ARHGAP31: variants seen among roughly 807,000 people sequenced by gnomAD.
ARHGAP31 encodes the protein rho GTPase-activating protein 31.
A neutral mutation model predicts 113.9 loss-of-function variants in ARHGAP31; 34 were observed. The ratio of observed to expected loss-of-function variants is 0.30; its 90% CI spans 0.23 to 0.40. The LOEUF (loss-of-function observed/expected upper bound fraction) is 0.40, where lower values mean the gene tolerates loss of function less well. ARHGAP31 is among the 10% of genes least tolerant of loss of function. ARHGAP31 has a pLI of 1.00. For missense variants in ARHGAP31, 1,548 were observed against 1,767.1 expected (o/e 0.88, Z 2.22); for synonymous variants, 650 against 684.8 (o/e 0.95, Z 0.79).
At chr3:119,311,149 AG>A (rs1478483268) in intron 1 of ARHGAP31, among the ~76,000 whole-genome samples, 8 of 152,198 alleles carry the variant, frequency 5.3e-5, no homozygotes, top group African/African-American at 1.9e-4. Context: ...GCCCTAGAGT[AG>A]ACCTCTGTTA....
intron 1 of ARHGAP31, among the ~76,000 whole-genome samples, chr3:119,338,610 A>G (rs1194572522): frequency 6.6e-6 from 1 of 152,202 alleles, no homozygotes; most frequent in Admixed American, 6.5e-5. Flanking sequence ...CTGAATTTTA[A>G]TATCTTTAAA....
chr3:119,385,497 T>C (rs1258716676), intron 6 of ARHGAP31, among the ~76,000 whole-genome samples: 4 of 152,150 alleles, frequency 2.6e-5, no homozygotes, highest in African/African-American at 9.7e-5. Context: ...TTATTTCAAC[T>C]CTCCAGTTAT....
At chr3:119,353,407 C>G (rs56990214) in intron 1 of ARHGAP31, among the ~76,000 whole-genome samples, 1 of 152,102 alleles carries the variant, frequency 6.6e-6, no homozygotes, top group Non-Finnish European at 1.5e-5. Flanking sequence ...GGCCAAGTGA[C>G]GTAATACCTC....
chr3:119,372,782 C>G (rs1398944357), intron 3 of ARHGAP31, among the ~76,000 whole-genome samples: 1 of 152,130 alleles, frequency 6.6e-6, no homozygotes, highest in Non-Finnish European at 1.5e-5. Context: ...TTTATTGTCT[C>G]TGTTATACAG....
chr3:119,377,739 T>C (rs1003188424), intron 3 of ARHGAP31, among the ~76,000 whole-genome samples: 10 of 150,944 alleles, frequency 6.6e-5, no homozygotes, highest in Non-Finnish European at 1.2e-4. Flanking sequence ...TGTACATTCC[T>C]TTGGATGCTT....
chr3:119,377,198 G>A (rs1231868717), intron 3 of ARHGAP31, among the ~76,000 whole-genome samples: 2 of 152,280 alleles, frequency 1.3e-5, no homozygotes, highest in Non-Finnish European at 2.9e-5. Flanking sequence ...AGATTTAATG[G>A]TGAATGGAAC....
intron 1 of ARHGAP31, among the ~76,000 whole-genome samples, chr3:119,331,345 T>C (rs1394436878): frequency 6.6e-6 from 1 of 152,214 alleles, no homozygotes; most frequent in Non-Finnish European, 1.5e-5. Context: ...TTCTTCTGTG[T>C]GTATGTAGAG....
At chr3:119,390,349 G>C (rs2080492567) in intron 6 of ARHGAP31, among the ~76,000 whole-genome samples, 1 of 152,212 alleles carries the variant, frequency 6.6e-6, no homozygotes, top group Middle Eastern at 3.2e-3. Context: ...CTGTGGGGAG[G>C]AGAGGCAGCC....
rs1274872597 is a variant in ARHGAP31, at chr3:119,402,154, A to G, written c.1402A>G (p.Ser468Gly). 35 of 1,614,142 alleles carry G rather than the reference A, an allele frequency of 2.2e-5. No individual in the cohort carries two copies. The highest frequency in any genetic ancestry group is 2.9e-5 in the Non-Finnish European group (34 of 1,180,046). The change falls in exon 10 of 12, where the codon AGC becomes GGC. Residue 468 changes from serine to glycine, a missense_variant. Coordinates refer to ENST00000264245, the MANE Select transcript of ARHGAP31 (RefSeq NM_020754.4). ...CAGCCCTAGCAAATCCGTCTTCACCAGCAGCCTCTTCCAGATGGAGCCCTC... is the reference window on the plus strand; with the variant it reads ...CAGCCCTAGCAAATCCGTCTTCACCGGCAGCCTCTTCCAGATGGAGCCCTC... ...NDSPSKSVFTSSLFQMEPSPR... is the reference protein window; with the variant it reads ...NDSPSKSVFTGSLFQMEPSPR...
At position 119,418,038 on chromosome 3, in the gene ARHGAP31, C is replaced by G. The variant is rs1464059850; in HGVS notation, c.*1774C>G. On this transcript the variant is annotated 3_prime_UTR_variant, in exon 12 of 12. Coordinates refer to ENST00000264245, the MANE Select transcript of ARHGAP31 (RefSeq NM_020754.4). ...TATATATTCCTCTCTCTCTCTGTCT[C>G]TCTATCTCTCTCCTCCCTCTCCCTC... The G allele has an allele frequency of 2.0e-5, 3 of 152,118 alleles. No homozygotes were observed. The highest frequency in any genetic ancestry group is 4.4e-5 in the Non-Finnish European group (3 of 68,056). The allele number at this position is 152,118 out of a possible 1,614,324, so 9.4% of individuals were successfully genotyped here. A position where few individuals can be genotyped will look rare whatever the true frequency, so the allele number is the denominator to read the frequency against.
At chr3:119,391,443 T>G (rs1488390101) in intron 7 of ARHGAP31, among the ~76,000 whole-genome samples, 1 of 152,076 alleles carries the variant, frequency 6.6e-6, no homozygotes, top group Non-Finnish European at 1.5e-5. Context: ...TGAGCAGCAG[T>G]TGGGGACATG....
At chr3:119,359,079 T>G (rs2080182950) in intron 1 of ARHGAP31, among the ~76,000 whole-genome samples, 1 of 151,962 alleles carries the variant, frequency 6.6e-6, no homozygotes, top group Admixed American at 6.6e-5. Flanking sequence ...GTGCAATGGT[T>G]TGATCTCAGC....
intron 1 of ARHGAP31, among the ~76,000 whole-genome samples, chr3:119,321,442 ACTTGTATGTAATTCTATCAC>A (rs1426397558): frequency 1.3e-5 from 2 of 149,704 alleles, no homozygotes; most frequent in Non-Finnish European, 3.0e-5. Context: ...AGAAAAAAAT[ACTTGTATGTAATTCTATCAC>A]CCAAAGATGT....
Position 119,402,362 on chromosome 3 carries a change from A to G in ARHGAP31, c.1610A>G (p.Glu537Gly). 6.2e-7 allele frequency: 1 copy of G among 1,613,550 alleles called. No homozygotes were observed. Among genetic ancestry groups the G allele is most frequent in the African/African-American group, 1.3e-5 (1 of 75,044 alleles). The change falls in exon 10 of 12, where the codon GAA becomes GGA. Residue 537 changes from glutamate to glycine, a missense_variant. Glu to Gly is a moderately conservative substitution (Grantham distance 98). Coordinates refer to ENST00000264245, the MANE Select transcript of ARHGAP31 (RefSeq NM_020754.4). ...GGATCAGAGAGCGGAGGCTGGCCAG[A>G]AGAAGAGAAACCGCTGGGAGCTGAG... ...FHGSESGGWP[E>G]EEKPLGAETS...
chr3:119,385,460 T>C (rs2080441406), intron 6 of ARHGAP31, among the ~76,000 whole-genome samples: 1 of 152,226 alleles, frequency 6.6e-6, no homozygotes, highest in Non-Finnish European at 1.5e-5. Context: ...CTTTATTATA[T>C]ATGTAGGAGT....
intron 1 of ARHGAP31, among the ~76,000 whole-genome samples, chr3:119,348,395 G>A (rs2080080941): frequency 6.6e-6 from 1 of 152,136 alleles, no homozygotes; most frequent in African/African-American, 2.4e-5. Context: ...AAAAAGGTCT[G>A]GGACCACTGC....
chr3:119,368,996 G>T (rs79411340), intron 3 of ARHGAP31, among the ~76,000 whole-genome samples: 1 of 152,130 alleles, frequency 6.6e-6, no homozygotes, highest in African/African-American at 2.4e-5. Flanking sequence ...GTGTCAGAAA[G>T]CTGGGAAGAG....
At chr3:119,300,842 A>AAAAG (rs543721008) in intron 1 of ARHGAP31, among the ~76,000 whole-genome samples, 13,897 of 138,800 alleles carry the variant, frequency 0.1, 1,003 homozygotes, top group Non-Finnish European at 0.14. Flanking sequence ...AAAAAAAAAA[A>AAAAG]AAAGAAAGAA....
chr3:119,324,558 C>CTTTT (rs2079824760), intron 1 of ARHGAP31, among the ~76,000 whole-genome samples: 1 of 152,216 alleles, frequency 6.6e-6, no homozygotes, highest in South Asian at 2.1e-4. Flanking sequence ...GGTACCATTG[C>CTTTT]TGTATTCCAC....
Sources: allele counts gnomAD v4.1 joint callset (sites outside exome capture counted in the v4.1 genomes callset), GRCh38; gene constraint gnomAD v4.1.1; transcripts MANE v1.5; gene names NCBI Gene and HGNC (gene_info 2026-07-23, HGNC 2026-07-21).